AXDND1: variants seen among roughly 807,000 people sequenced by gnomAD.
AXDND1 encodes axonemal dynein light chain domain-containing protein 1.
Under a neutral mutation model 137.5 loss-of-function variants are expected in AXDND1, and 110 were observed. The observed-to-expected ratio is 0.80, with a 90% CI of 0.69 to 0.94. The LOEUF is 0.94. Among genes scored for constraint, AXDND1 ranks in the 40% least tolerant of loss-of-function variants. AXDND1 has a pLI of 0.00. For missense variants in AXDND1, 1,191 were observed against 1,169.8 expected (o/e 1.02, Z -0.26); for synonymous variants, 414 against 399.7 (o/e 1.04, Z -0.43).
At chr1:179,427,070 A>C (rs1049771006) in intron 12 of AXDND1, among the ~76,000 whole-genome samples, 1 of 152,194 alleles carries the variant, frequency 6.6e-6, no homozygotes, top group Non-Finnish European at 1.5e-5. Context: ...AGGCTGAGGC[A>C]GGAGAAACAC....
intron 22 of AXDND1, among the ~76,000 whole-genome samples, chr1:179,527,317 A>C (rs1670622031): frequency 1.3e-5 from 2 of 152,102 alleles, no homozygotes; most frequent in African/African-American, 4.8e-5. Context: ...GTGGGTTTTG[A>C]CCGGCTTCTT....
chr1:179,394,804 G>C (rs1178520192), intron 10 of AXDND1, among the ~76,000 whole-genome samples: 2 of 151,992 alleles, frequency 1.3e-5, no homozygotes, highest in African/African-American at 4.8e-5. Context: ...CAGAAAGCAG[G>C]GTAGACCAGC....
At chr1:179,456,377 C>CTGAT (rs1231711478) in intron 16 of AXDND1, 10 of 783,592 alleles carry the variant, frequency 1.3e-5, no homozygotes, top group Non-Finnish European at 2.1e-5. Context: ...AATTTGAAGA[C>CTGAT]TGATTGTTGT....
intron 11 of AXDND1, among the ~76,000 whole-genome samples, chr1:179,399,698 A>T (rs1295811800): frequency 1.3e-5 from 2 of 152,260 alleles, no homozygotes; most frequent in African/African-American, 4.8e-5. Context: ...ACTAATATCC[A>T]GAATCTACAA....
intron 15 of AXDND1, among the ~76,000 whole-genome samples, chr1:179,433,380 C>A (rs958793841): frequency 6.6e-6 from 1 of 152,098 alleles, no homozygotes; most frequent in Non-Finnish European, 1.5e-5. Flanking sequence ...CTGCTCTGAT[C>A]TTAGTTGTTT....
At chr1:179,517,463 G>A (rs7512551) in intron 21 of AXDND1, among the ~76,000 whole-genome samples, 132,660 of 152,222 alleles carry the variant, frequency 0.87, 58,047 homozygotes, top group East Asian at 0.96. Flanking sequence ...GAGTTCTAGC[G>A]GGAGGCACCT....
At chr1:179,387,512 T>C (rs1184903415) in intron 9 of AXDND1, among the ~76,000 whole-genome samples, 2 of 152,202 alleles carry the variant, frequency 1.3e-5, no homozygotes, top group Non-Finnish European at 2.9e-5. Flanking sequence ...ATTTCAACAC[T>C]AGTTATGAGG....
chr1:179,549,003 T>C (rs1429769631), intron 25 of AXDND1: 1 of 152,134 alleles, frequency 6.6e-6, no homozygotes, highest in Non-Finnish European at 1.5e-5. Flanking sequence ...GAGTGTGCCA[T>C]AGACTTCTCC....
chr1:179,405,451 T>C (rs1184097954), intron 11 of AXDND1, among the ~76,000 whole-genome samples: 1 of 152,198 alleles, frequency 6.6e-6, no homozygotes, highest in African/African-American at 2.4e-5. Flanking sequence ...ATGGGATTAC[T>C]GGGTCAAAGG....
intron 4 of AXDND1, among the ~76,000 whole-genome samples, chr1:179,377,469 T>C (rs1647458562): frequency 6.6e-6 from 1 of 152,160 alleles, no homozygotes; most frequent in African/African-American, 2.4e-5. Flanking sequence ...ATGCCTATTG[T>C]TTTCTGTCCT....
At chr1:179,524,077 T>C (rs1670318858) in intron 21 of AXDND1, among the ~76,000 whole-genome samples, 1 of 152,214 alleles carries the variant, frequency 6.6e-6, no homozygotes, top group Non-Finnish European at 1.5e-5. Context: ...ACATTTTCTT[T>C]ATTCACTCAT....
intron 17 of AXDND1, among the ~76,000 whole-genome samples, chr1:179,471,896 T>A (rs1172254472): frequency 6.6e-6 from 1 of 151,752 alleles, no homozygotes; most frequent in Non-Finnish European, 1.5e-5. Context: ...CATTTTCTTT[T>A]TTTTTCTTTT....
At chr1:179,539,843 G>A (rs534409044) in intron 25 of AXDND1, among the ~76,000 whole-genome samples, 4 of 151,846 alleles carry the variant, frequency 2.6e-5, no homozygotes, top group East Asian at 3.9e-4. Context: ...ACGTAGATTC[G>A]GTCTTTTCAC....
At chr1:179,443,298 ATTGT>A (rs1659276307) in intron 15 of AXDND1, among the ~76,000 whole-genome samples, 3 of 152,208 alleles carry the variant, frequency 2.0e-5, no homozygotes, top group African/African-American at 7.2e-5. Flanking sequence ...CTATTATCTA[ATTGT>A]CAGACATAAG....
chr1:179,520,386 C>A (rs1669940336), intron 21 of AXDND1, among the ~76,000 whole-genome samples: 1 of 152,162 alleles, frequency 6.6e-6, no homozygotes, highest in African/African-American at 2.4e-5. Flanking sequence ...GACCAGCCCT[C>A]ATCACTGATC....
At chr1:179,397,882 T>A (rs866189211) in intron 11 of AXDND1, among the ~76,000 whole-genome samples, 3 of 152,174 alleles carry the variant, frequency 2.0e-5, no homozygotes, top group Admixed American at 6.6e-5. Context: ...GTCTGTCAGC[T>A]CCTTTATCAT....
At chr1:179,466,373 C>G (rs1261652830) in intron 16 of AXDND1, among the ~76,000 whole-genome samples, 1 of 149,630 alleles carries the variant, frequency 6.7e-6, no homozygotes, top group Non-Finnish European at 1.5e-5. Flanking sequence ...CAGTCCTCCC[C>G]CTTGACCTCT....
rs542724959 is a variant in AXDND1 at position 179,502,489 on chromosome 1, G to A, written c.2389-6807G>A. Among the ~76,000 whole-genome samples, 7 of 150,036 alleles carry A rather than the reference G, an allele frequency of 4.7e-5. 1 individual carries two copies. The highest frequency in any genetic ancestry group is 2.1e-4 in the South Asian group (1 of 4,752). On this transcript the variant is annotated intron_variant, in intron 20 of 25. Transcript: ENST00000367618. Reference sequence around the variant, plus strand: ...TGAGGCAGGAGAATCGCTTGAACCCGGGAGGCAAAGTTTGTGGTGAGCCAA... The same window carrying A: ...TGAGGCAGGAGAATCGCTTGAACCCAGGAGGCAAAGTTTGTGGTGAGCCAA...
chr1:179,515,685 T>C (rs1669470640), intron 21 of AXDND1, among the ~76,000 whole-genome samples: 1 of 152,172 alleles, frequency 6.6e-6, no homozygotes, highest in Admixed American at 6.5e-5. Context: ...CTTTTAGATT[T>C]CTTTTCTTCC....
Sources: allele counts gnomAD v4.1 joint callset (sites outside exome capture counted in the v4.1 genomes callset), GRCh38; gene constraint gnomAD v4.1.1; transcripts MANE v1.5; gene names NCBI Gene and HGNC (gene_info 2026-07-23, HGNC 2026-07-21).